Variants in EMC1 observed in about 807,000 individuals in gnomAD.
EMC1 encodes the protein ER membrane protein complex subunit 1.
Under a neutral mutation model 128.8 loss-of-function variants are expected in EMC1, and 103 were observed. The ratio of observed to expected loss-of-function variants is 0.80; its 90% confidence interval spans 0.68 to 0.94. The LOEUF (loss-of-function observed/expected upper bound fraction) is 0.94. Among genes scored for constraint, EMC1 ranks in the 40% least tolerant of loss-of-function variants. The pLI is 0.00. For missense variants in EMC1, 1,083 were observed against 1,250.6 expected, an observed-to-expected ratio of 0.87 and a Z score of 2.02; for synonymous variants, 442 against 490.4, an observed-to-expected ratio of 0.90 and a Z score of 1.30.
At position 19,251,487 on chromosome 1, in the gene EMC1, C is replaced by A. The variant is rs774681453; in HGVS notation, c.23G>T (p.Arg8Leu). 2.5e-6 allele frequency: 4 copies of A among 1,614,158 alleles called. No individual in the cohort carries two copies. In the South Asian group the frequency reaches 3.3e-5, roughly 13 times the overall value. Residue 8 changes from arginine to leucine, a missense_variant, in exon 1 of 23, where the codon CGT (arginine) becomes CTT (leucine). Physicochemically the swap from Arg to Leu is moderately radical, Grantham distance 102 (BLOSUM62 -2). Transcript: ENST00000477853. Reference sequence around the variant, plus strand: ...CAGCAGCGTAGCCCAAAGCCAGAAACGAGAAGCCCACTCAGCCGCCATGAT... The same window carrying A: ...CAGCAGCGTAGCCCAAAGCCAGAAAAGAGAAGCCCACTCAGCCGCCATGAT... Reference protein sequence around the residue: MAAEWASRFWLWATLLIP... With the variant: MAAEWASLFWLWATLLIP...
intron 13 of EMC1, 38 bp downstream of exon 13, chr1:19,235,092 T>G (rs1224651151): frequency 6.2e-7 from 1 of 1,605,614 alleles, no homozygotes; most frequent in Non-Finnish European, 8.5e-7. Flanking sequence ...GACTGGCCCC[T>G]CCAGCAACTC....
chr1:19,232,844 C>G, intron 14 of EMC1, 71 bp from the exon 15 acceptor site: 1 of 1,607,462 alleles, frequency 6.2e-7, no homozygotes, highest in Non-Finnish European at 8.5e-7. Flanking sequence ...TCCTTGAAAA[C>G]TAGAACCAGT....
intron 2 of EMC1, chr1:19,244,638 C>T (rs1048219098): frequency 3.0e-6 from 1 of 329,392 alleles, no homozygotes; most frequent in Admixed American, 4.4e-5. Flanking sequence ...CTCCTGAGCT[C>T]AAGTGATCCT....
At position 19,230,907 on chromosome 1, in the gene EMC1, A is replaced by G. The variant is rs2093516258; in HGVS notation, c.2001T>C (p.Pro667=). The change falls in exon 17 of 23, where the codon CCT becomes CCC. Residue 667 remains proline (P), a synonymous_variant. Transcript: ENST00000477853. ...CATCCACCAAATAGAAGAAGATGGA[A>G]GGGGCAAGCTCATGTAGCTGTCGCA... ...NVLRQLHELA[P]SIFFYLVDAE... is the part of the protein sequence containing the mutation. 4 of 1,614,096 alleles carry G rather than the reference A, an allele frequency of 2.5e-6. No individual in the cohort carries two copies. Among genetic ancestry groups the G allele is most frequent in the African/African-American group, 2.7e-5 (2 of 74,944 alleles).
chr1:19,228,894 A>G (rs1175573338), intron 17 of EMC1, among the ~76,000 whole-genome samples: 1 of 152,142 alleles, frequency 6.6e-6, no homozygotes, highest in African/African-American at 2.4e-5. Flanking sequence ...TCTACTGAAA[A>G]TACAAAAATT....
intron 5 of EMC1, among the ~76,000 whole-genome samples, chr1:19,241,358 A>G (rs768984256): frequency 6.6e-6 from 1 of 151,882 alleles, no homozygotes; most frequent in Non-Finnish European, 1.5e-5. Context: ...AGATTTCTAA[A>G]TTTTCCTACG....
intron 1 of EMC1, among the ~76,000 whole-genome samples, chr1:19,249,437 C>T (rs2093646957): frequency 6.6e-6 from 1 of 152,282 alleles, no homozygotes; most frequent in East Asian, 1.9e-4. Flanking sequence ...CTACAGTTTT[C>T]AGTAAAGTAA....
At chr1:19,248,027 A>G (rs1440468146) in intron 1 of EMC1, among the ~76,000 whole-genome samples, 3 of 151,744 alleles carry the variant, frequency 2.0e-5, no homozygotes, top group Non-Finnish European at 1.5e-5. Flanking sequence ...CTGTCCCAAA[A>G]AAAAAAAGAG....
intron 16 of EMC1, 140 bp from the exon 17 acceptor site, chr1:19,231,103 C>A: frequency 7.5e-7 from 1 of 1,326,140 alleles, no homozygotes; most frequent in South Asian, 1.4e-5. Flanking sequence ...TGAGTTTTCA[C>A]AAATGCAGAC....
Position 19,239,965 on chromosome 1 carries a change from T to C in EMC1, c.807A>G (p.Gly269=). 6.2e-7 allele frequency: 1 copy of C among 1,612,442 alleles called. No individual in the cohort carries two copies. The highest frequency in any genetic ancestry group is 8.5e-7 in the Non-Finnish European group (1 of 1,179,020). Residue 269 remains glycine (G), a synonymous_variant, in exon 8 of 23, where the codon GGA becomes GGG. Transcript: ENST00000477853. ...IPLQSLDLEF[G]SGFQPRVLPT... is the part of the protein sequence containing the mutation. ...GCAGGACCCGGGGTTGGAATCCACT[T>C]CCAAATTCTAAGTCGAGAGACTGGA...
Position 19,240,304 on chromosome 1 carries a change from G to A in EMC1, c.779C>T (p.Pro260Leu). 6.2e-7 allele frequency: 1 copy of A among 1,614,192 alleles called. No individual in the cohort carries two copies. Among genetic ancestry groups the A allele is most frequent in the Non-Finnish European group, 8.5e-7 (1 of 1,180,042 alleles). ...LETEWELRQI[P>L]LQSLDLEFGS... Reference sequence around the variant, plus strand: ...GCAGTGGCAGCCTCTCACCTGCAGTGGGATCTGTCTCAACTCCCATTCCGT... The same window carrying A: ...GCAGTGGCAGCCTCTCACCTGCAGTAGGATCTGTCTCAACTCCCATTCCGT... Residue 260 changes from proline (P) to leucine (L), a missense_variant, in exon 7 of 23, where the codon CCA becomes CTA. Transcript: ENST00000477853.
At chr1:19,245,879 G>A (rs969092565) in intron 1 of EMC1, among the ~76,000 whole-genome samples, 4 of 151,442 alleles carry the variant, frequency 2.6e-5, no homozygotes, top group East Asian at 4.0e-4. Context: ...CACCCGCCTC[G>A]GCCTTCCAAA....
At chr1:19,250,454 G>A (rs1325123674) in intron 1 of EMC1, among the ~76,000 whole-genome samples, 1 of 152,092 alleles carries the variant, frequency 6.6e-6, no homozygotes, top group Non-Finnish European at 1.5e-5. Flanking sequence ...ATACACATAT[G>A]ACATTGTGAA....
In EMC1 at chr1:19,239,875, G is replaced by C; in HGVS notation, c.897C>G (p.His299Gln). The C allele has an allele frequency of 6.2e-7, 1 of 1,614,206 alleles. No homozygotes were observed. Among genetic ancestry groups the C allele is most frequent in the Non-Finnish European group, 8.5e-7 (1 of 1,180,038 alleles). ...AQFFLHLSPS[H>Q]YALLQYHYGT... The stretch of plus-strand genomic sequence containing the variant: ...CATAATGGTACTGCAGCAGAGCATA[G>C]TGGCTTGGGGACAAGTGCAGGAAGA... Residue 299 changes from histidine to glutamine, a missense_variant, in exon 8 of 23, where the codon CAC becomes CAG. His to Gln is a conservative substitution (Grantham distance 24). Around this residue, in one of 3 missense-constraint regions of EMC1, gnomAD observed 544 missense variants for 572.4 expected, o/e 0.95. Coordinates refer to ENST00000477853, the MANE Select transcript of EMC1 (RefSeq NM_015047.3).
rs2151931095 is a variant in EMC1 at position 19,217,240 on chromosome 1, A to G, written c.*2063T>C. 1 of 152,292 alleles carries G rather than the reference A, an allele frequency of 6.6e-6. No homozygotes were observed. The highest frequency in any genetic ancestry group is 2.1e-4 in the South Asian group (1 of 4,822). The allele number at this position is 152,292 out of a possible 1,614,324, so 9.4% of individuals were successfully genotyped here. ...GAAAAGATTTAAATTGGACTGTGGC[A>G]TTAGCATTAACTATTTTAAGCACTT... On this transcript the variant is annotated 3_prime_UTR_variant, in exon 23 of 23. Transcript: ENST00000477853.
At chr1:19,237,002 T>C in intron 12 of EMC1, 140 bp downstream of exon 12, 2 of 575,090 alleles carry the variant, frequency 3.5e-6, no homozygotes, top group Admixed American at 2.9e-5. Context: ...GCAGGTGACA[T>C]TTGGCTATGA....
chr1:19,226,959 C>G (rs943043543), intron 18 of EMC1, among the ~76,000 whole-genome samples: 1 of 151,652 alleles, frequency 6.6e-6, no homozygotes, highest in Non-Finnish European at 1.5e-5. Context: ...CCCAGGAGGA[C>G]GAAGCTGCAG....
chr1:19,229,430 A>G (rs982071702), intron 17 of EMC1: 1 of 152,182 alleles, frequency 6.6e-6, no homozygotes, highest in African/African-American at 2.4e-5. Context: ...GGACTCGCGC[A>G]CACAGCTGGC....
chr1:19,220,878 G>A (rs778972709), intron 20 of EMC1, 30 bp from the exon 21 acceptor site: 53 of 1,510,506 alleles, frequency 3.5e-5, no homozygotes, highest in Middle Eastern at 1.7e-4. Flanking sequence ...TGTTCACACC[G>A]ATCCAGTGTC....
Sources: gnomAD v4.1 joint callset for allele counts (sites outside exome capture counted in the v4.1 genomes callset) on GRCh38, gnomAD v4.1.1 for gene constraint, gnomAD v4.1.1 regional missense constraint, MANE v1.5 for transcripts, NCBI Gene and HGNC (gene_info 2026-07-23, HGNC 2026-07-21) for gene names.